The following P2RX6 variants were observed in gnomAD, a reference collection of about 807,000 sequenced individuals.
P2RX6 encodes purinergic receptor P2X 6.
P2RX6 carries 62 observed loss-of-function variants against 54.2 expected under a neutral mutation model. That is an observed-to-expected ratio of 1.14 (90% CI 0.93 to 1.41). The LOEUF is 1.41. Among genes scored for constraint, P2RX6 ranks in the 40% most tolerant of loss-of-function variants. P2RX6 has a pLI of 0.00. For synonymous variants in P2RX6, 211 were observed against 231.9 expected (o/e 0.91, Z 0.82); for missense variants, 541 against 566.3 (o/e 0.96, Z 0.45).
Position 21,023,109 on chromosome 22 carries a change from C to T in P2RX6, c.558-9C>T, listed in dbSNP as rs1461105423. 2.5e-6 allele frequency: 4 copies of T among 1,613,532 alleles called. No individual in the cohort carries two copies. In the South Asian group the frequency reaches 3.3e-5, roughly 13 times the overall value. On this transcript the variant is annotated splice_polypyrimidine_tract_variant and intron_variant, in intron 5 of 11. Transcript: ENST00000413302. ...CTGGCAGAGGCTGTCACCTCCCTTC[C>T]ACCTGCAGGAGGCCCCTGCTGGCCC...
intron 7 of P2RX6, 41 bp from the exon 8 acceptor site, chr22:21,023,468 C>T (rs200634861): frequency 1.6e-5 from 26 of 1,613,536 alleles, no homozygotes; most frequent in Middle Eastern, 1.7e-4. Context: ...GAGAGGGTCC[C>T]GGGCCCACCC....
rs1928526891 is a variant in P2RX6 at position 21,026,699 on chromosome 22, A to G, written c.*82A>G. On this transcript the variant is annotated 3_prime_UTR_variant, in exon 12 of 12. Transcript: ENST00000413302. This position sits in a 1 kb window ranked among gnomAD's most constrained non-coding sequence, Gnocchi z 4.0. ...TCTCAAGGATGAGGCCCCAGCATGG[A>G]GGATTGGGGGTAGAATTCCACCCTT... The G allele has an allele frequency of 2.7e-6, 4 of 1,498,902 alleles. No homozygotes were observed. The Admixed American group carries it at 6.4e-5, about 24-fold the overall frequency. 92.9% of individuals were successfully genotyped at this position (1,498,902 alleles called of 1,614,324 possible). A position where few individuals can be genotyped will look rare whatever the true frequency, so the allele number is the denominator to read the frequency against.
Position 21,022,981 on chromosome 22 carries a change from A to C in P2RX6, c.503A>C (p.His168Pro). Residue 168 changes from histidine (H) to proline (P), a missense_variant, in exon 5 of 12, where the codon CAC (histidine) becomes CCC (proline). By Grantham distance (77) the His-to-Pro change is moderately conservative. Around this residue, in one of 2 missense-constraint regions of P2RX6, gnomAD observed 526 missense variants for 531.5 expected, o/e 0.99. Coordinates refer to ENST00000413302, the MANE Select transcript of P2RX6 (RefSeq NM_005446.5). ...TGQCVVFNGT[H>P]RTCEIWSWCP... is the part of the protein sequence containing the mutation. ...CAGTGTGTGGTGTTCAATGGGACCC[A>C]CAGGACCTGTGAGATCTGGAGTTGG... 1 of 1,613,558 alleles carries C rather than the reference A, an allele frequency of 6.2e-7. No individual in the cohort carries two copies. Among genetic ancestry groups the C allele is most frequent in the Non-Finnish European group, 8.5e-7 (1 of 1,179,610 alleles).
chr22:21,017,263 C>G (rs557640670), intron 2 of P2RX6, among the ~76,000 whole-genome samples: 83 of 152,332 alleles, frequency 5.4e-4, no homozygotes, highest in African/African-American at 1.7e-3. Context: ...TCCTCCCAAT[C>G]CTAATGGCTG....
rs1473443881 is a variant in P2RX6, at chr22:21,015,971, A to G, written c.194A>G (p.Gln65Arg). 6.5e-6 allele frequency: 10 copies of G among 1,549,818 alleles called. No homozygotes were observed. In the Admixed American group the frequency reaches 7.8e-5, roughly 12 times the overall value. ...GCTCTCCTCGCCAAAAAAGGCTACC[A>G]GGAGCGGGACCTGGAACCCCAGTTT... ...GWALLAKKGY[Q>R]ERDLEPQFSI... The change falls in exon 2 of 12, where the codon CAG becomes CGG. Residue 65 changes from glutamine to arginine, a missense_variant. Coordinates refer to ENST00000413302, the MANE Select transcript of P2RX6 (RefSeq NM_005446.5).
intron 2 of P2RX6, among the ~76,000 whole-genome samples, chr22:21,017,217 A>AGGC (rs1926550516): frequency 6.6e-6 from 1 of 152,042 alleles, no homozygotes; most frequent in African/African-American, 2.4e-5. Context: ...ACCCTCAGGA[A>AGGC]TTCCCCCAAC....
In P2RX6 at chr22:21,023,138, C is replaced by T; in HGVS notation, c.578C>T (p.Ala193Val). Residue 193 changes from alanine (A) to valine (V), a missense_variant, in exon 6 of 12, where the codon GCC (alanine) becomes GTC (valine). Physicochemically the swap from Ala to Val is moderately conservative, Grantham distance 64 (BLOSUM62 0). Coordinates refer to ENST00000413302, the MANE Select transcript of P2RX6 (RefSeq NM_005446.5). ...TGCAGGAGGCCCCTGCTGGCCCAGG[C>T]CCAGAACTTCACACTGTTCATCAAA... ...VVPSRPLLAQAQNFTLFIKNT... is the reference protein window; with the variant it reads ...VVPSRPLLAQVQNFTLFIKNT... 1 of 1,613,862 alleles carries T rather than the reference C, an allele frequency of 6.2e-7. No homozygotes were observed. The highest frequency in any genetic ancestry group is 8.5e-7 in the Non-Finnish European group (1 of 1,179,834).
chr22:21,026,606 G>T lies in P2RX6; in HGVS notation c.1315G>T (p.Gly439Trp). The T allele has an allele frequency of 6.3e-7, 1 of 1,584,530 alleles. No individual in the cohort carries two copies. Among genetic ancestry groups the T allele is most frequent in the African/African-American group, 1.3e-5 (1 of 74,290 alleles). The change falls in exon 12 of 12, where the codon GGG becomes TGG. Residue 439 changes from glycine to tryptophan, a missense_variant. Physicochemically the swap from Gly to Trp is radical, Grantham distance 184. Transcript: ENST00000413302. The surrounding 1 kb of genome is among the most constrained non-coding windows in gnomAD (Gnocchi z 4.0). ...TGACACCCACTTGCCAACCCATTCC[G>T]GGAGCCTGTAGCCGTTCCCTGCTGG... Reference protein sequence around the residue: ...SSDTHLPTHSGSL With the variant: ...SSDTHLPTHSWSL
chr22:21,024,795 T>G (rs1473766128), intron 8 of P2RX6, among the ~76,000 whole-genome samples: 2 of 151,478 alleles, frequency 1.3e-5, no homozygotes, highest in African/African-American at 4.9e-5. Flanking sequence ...GGTCTCGAAC[T>G]TCTGACCTCA....
chr22:21,010,539 T>A (rs377332062), upstream of P2RX6, among the ~76,000 whole-genome samples: 2 of 152,098 alleles, frequency 1.3e-5, no homozygotes, highest in East Asian at 3.9e-4. Flanking sequence ...TCCTGGGGCA[T>A]CCATTAAAAT....
upstream of P2RX6, among the ~76,000 whole-genome samples, chr22:21,014,578 G>A (rs1274055975): frequency 2.0e-5 from 3 of 152,220 alleles, no homozygotes; most frequent in East Asian, 1.9e-4. Flanking sequence ...AAACACGCCT[G>A]ACTCCAGGAC....
chr22:21,016,612 G>T (rs1394844430), intron 2 of P2RX6, among the ~76,000 whole-genome samples: 10 of 149,002 alleles, frequency 6.7e-5, no homozygotes, highest in Admixed American at 5.4e-4. Flanking sequence ...AAAAAGCCAG[G>T]CCAGAGAAAC....
chr22:21,018,033 A>T lies in P2RX6; in HGVS notation c.360A>T (p.Pro120=). The T allele has an allele frequency of 1.9e-6, 3 of 1,613,246 alleles. No individual in the cohort carries two copies. Among genetic ancestry groups the T allele is most frequent in the Non-Finnish European group, 2.5e-6 (3 of 1,179,406 alleles). ...TGGTGACCAACTTCCTTGTGACGCCAGCCCAAGTTCAGGGCAGATGCCCAG... is the reference window on the plus strand; with the variant it reads ...TGGTGACCAACTTCCTTGTGACGCCTGCCCAAGTTCAGGGCAGATGCCCAG... ...FFLVTNFLVT[P]AQVQGRCPEH... The change falls in exon 3 of 12, where the codon CCA becomes CCT. Residue 120 remains proline (P), a synonymous_variant. Coordinates refer to ENST00000413302, the MANE Select transcript of P2RX6 (RefSeq NM_005446.5).
upstream of P2RX6, among the ~76,000 whole-genome samples, chr22:21,012,878 G>A (rs1267446748): frequency 6.6e-6 from 1 of 151,398 alleles, no homozygotes; most frequent in East Asian, 2.0e-4. Context: ...CATGCCATCT[G>A]TCATAGCATC....
upstream of P2RX6, chr22:21,011,609 C>T (rs1925740495): frequency 1.4e-6 from 1 of 713,306 alleles, no homozygotes; most frequent in Non-Finnish European, 2.6e-6. Flanking sequence ...CGGAGCCACT[C>T]CTCAGCCAGT....
rs1601772922 is a variant in P2RX6 at position 21,023,620 on chromosome 22, T to C, written c.890+2T>C. The stretch of plus-strand genomic sequence containing the variant: ...GCAGGAGAAGAGCTACAACTTCAGG[T>C]GAGGCCCCACTGCTCCCAGTGCCCA... On this transcript the variant is annotated splice_donor_variant, in intron 8 of 11. Transcript: ENST00000413302. LOFTEE classifies it high-confidence loss of function. The C allele has an allele frequency of 1.3e-6, 2 of 1,592,540 alleles. No individual in the cohort carries two copies. Among genetic ancestry groups the C allele is most frequent in the Non-Finnish European group, 1.7e-6 (2 of 1,167,470 alleles).
chr22:21,014,250 G>C (rs1325184610), upstream of P2RX6: 1 of 153,122 alleles, frequency 6.5e-6, no homozygotes, highest in Non-Finnish European at 1.5e-5. Flanking sequence ...CAGACCCTGA[G>C]GCGGAGACCG....
At chr22:21,015,144 TC>T, upstream of P2RX6, 2 of 1,386,378 alleles carry the variant, frequency 1.4e-6, no homozygotes, top group Non-Finnish European at 1.9e-6. Context: ...TGCCTCCTGT[TC>T]AGCTGCGGCT....
In P2RX6 at chr22:21,018,030, G is replaced by A. The variant is rs768915110; in HGVS notation, c.357G>A (p.Thr119=). 15 of 1,612,834 alleles carry A rather than the reference G, an allele frequency of 9.3e-6. No homozygotes were observed. Among genetic ancestry groups the A allele is most frequent in the African/African-American group, 4.0e-5 (3 of 75,000 alleles). The change falls in exon 3 of 12, where the codon ACG becomes ACA. Residue 119 remains threonine, a synonymous_variant. Coordinates refer to ENST00000413302, the MANE Select transcript of P2RX6 (RefSeq NM_005446.5). ...VFFLVTNFLV[T]PAQVQGRCPE... ...TCTTGGTGACCAACTTCCTTGTGAC[G>A]CCAGCCCAAGTTCAGGGCAGATGCC...
Sources: allele counts gnomAD v4.1 joint callset (sites outside exome capture counted in the v4.1 genomes callset), GRCh38; gene constraint gnomAD v4.1.1; regional missense constraint gnomAD v4.1.1; non-coding constraint Gnocchi (gnomAD v3.1); transcripts MANE v1.5; gene names NCBI Gene and HGNC (gene_info 2026-07-23, HGNC 2026-07-21).